Variants in BTBD16 observed in about 807,000 individuals in gnomAD.
BTBD16 encodes the protein BTB domain containing 16.
In BTBD16, 66 loss-of-function variants were observed where a neutral mutation model predicts 67.4. The ratio of observed to expected loss-of-function variants is 0.98; its 90% CI spans 0.80 to 1.20. BTBD16 has a LOEUF of 1.20. Among genes scored for constraint, BTBD16 ranks in the 50% most tolerant of loss-of-function variants. The pLI, the probability that BTBD16 is intolerant of heterozygous loss-of-function variation, is 0.00. For missense variants in BTBD16, 634 were observed against 616.0 expected (o/e 1.03, Z -0.31); for synonymous variants, 242 against 236.4 (o/e 1.02, Z -0.22).
At chr10:122,294,525 C>T (rs1564974248) in intron 7 of BTBD16, among the ~76,000 whole-genome samples, 2 of 151,868 alleles carry the variant, frequency 1.3e-5, no homozygotes, top group Non-Finnish European at 2.9e-5. Flanking sequence ...CATGCGTGTA[C>T]CAGCACATAT....
intron 1 of BTBD16, among the ~76,000 whole-genome samples, chr10:122,272,032 A>G (rs191565285): frequency 2.3e-4 from 35 of 152,182 alleles, no homozygotes; most frequent in African/African-American, 8.2e-4. Flanking sequence ...TTGGGGGTCT[A>G]TGTCTAGGGC....
At chr10:122,290,985 T>C in intron 6 of BTBD16, 95 bp from the exon 7 acceptor site, 1 of 1,408,688 alleles carries the variant, frequency 7.1e-7, no homozygotes, top group Non-Finnish European at 9.3e-7. Flanking sequence ...TAAGGGCACC[T>C]CTGCCTGCCC....
chr10:122,298,856 T>C, intron 8 of BTBD16, 148 bp from the exon 9 acceptor site: 1 of 963,634 alleles, frequency 1.0e-6, no homozygotes, highest in Non-Finnish European at 1.5e-6. Context: ...AGAAAAGGTA[T>C]CTGCTGTAAT....
chr10:122,301,906 C>A (rs1338043570), intron 9 of BTBD16, among the ~76,000 whole-genome samples: 1 of 152,210 alleles, frequency 6.6e-6, no homozygotes, highest in African/African-American at 2.4e-5. Flanking sequence ...GTGTGCTGCA[C>A]CCCTCGTCGT....
At chr10:122,300,256 A>G (rs1437039457) in intron 9 of BTBD16, among the ~76,000 whole-genome samples, 1 of 152,184 alleles carries the variant, frequency 6.6e-6, no homozygotes, top group Non-Finnish European at 1.5e-5. Context: ...ATAATTTCAA[A>G]TTTAACGTTG....
Position 122,299,474 on chromosome 10 carries a change from C to A in BTBD16, c.791+340C>A, listed in dbSNP as rs959380153. On this transcript the variant is annotated intron_variant, in intron 9 of 15. Coordinates refer to ENST00000260723, the MANE Select transcript of BTBD16 (RefSeq NM_144587.5). Reference sequence around the variant, plus strand: ...GCACATTCATTTTAGAAAATGAAATCTCTCACCCTAAATCAGCTTACATCT... The same window carrying A: ...GCACATTCATTTTAGAAAATGAAATATCTCACCCTAAATCAGCTTACATCT... Among the ~76,000 whole-genome samples the A allele has an allele frequency of 7.2e-5, 11 of 152,128 alleles. No individual in the cohort carries two copies. In the East Asian group the frequency reaches 2.1e-3, roughly 29 times the overall value.
chr10:122,313,400 G>T (rs2096417841), intron 10 of BTBD16, among the ~76,000 whole-genome samples: 2 of 151,404 alleles, frequency 1.3e-5, no homozygotes, highest in Non-Finnish European at 2.9e-5. Context: ...GAGTAGCTGG[G>T]ATTACAGGCA....
At chr10:122,290,572 T>C (rs1271761888) in intron 6 of BTBD16, among the ~76,000 whole-genome samples, 1 of 152,114 alleles carries the variant, frequency 6.6e-6, no homozygotes, top group African/African-American at 2.4e-5. Flanking sequence ...ACTCTGACGG[T>C]GAATCAGCTA....
chr10:122,317,465 G>A (rs2096427470), intron 10 of BTBD16, among the ~76,000 whole-genome samples: 1 of 151,996 alleles, frequency 6.6e-6, no homozygotes, highest in Non-Finnish European at 1.5e-5. Flanking sequence ...GGCTAACACG[G>A]TGAAACCCTG....
chr10:122,308,285 G>A (rs2096407261), intron 10 of BTBD16, among the ~76,000 whole-genome samples: 1 of 152,150 alleles, frequency 6.6e-6, no homozygotes, highest in South Asian at 2.1e-4. Context: ...TGTTTCCAAG[G>A]CCTTTGCTTG....
At chr10:122,294,086 T>G (rs2096378858) in intron 7 of BTBD16, 1 of 978,578 alleles carries the variant, frequency 1.0e-6, no homozygotes, top group African/African-American at 1.8e-5. Context: ...TGATGGGACC[T>G]GCCCAAGATT....
intron 13 of BTBD16, among the ~76,000 whole-genome samples, chr10:122,334,226 T>G (rs1398880828): frequency 6.6e-6 from 1 of 150,558 alleles, no homozygotes. Context: ...GATGGAGTCT[T>G]GCTCTGTCAC....
At chr10:122,328,797 C>T (rs2096449901) in intron 10 of BTBD16, 4 of 985,362 alleles carry the variant, frequency 4.1e-6, no homozygotes, top group Non-Finnish European at 4.8e-6. Context: ...TCTGTGTGTG[C>T]GTGTCTTCTC....
intron 3 of BTBD16, 57 bp from the exon 4 acceptor site, chr10:122,283,794 G>T (rs2096357744): frequency 5.3e-6 from 7 of 1,326,654 alleles, no homozygotes; most frequent in Non-Finnish European, 4.3e-6. Context: ...GCATGTTGTA[G>T]TTGGAGAAAA....
In BTBD16 at chr10:122,297,845, C is replaced by T. The variant is rs752679518; in HGVS notation, c.660+8C>T. ...TACGAGGCCGGCTGCAAGGTGAGAA[C>T]AACCCAGACGGGGCACATCGCCCCT... On this transcript the variant is annotated splice_region_variant and intron_variant, in intron 8 of 15. Transcript: ENST00000260723. 25 of 1,613,870 alleles carry T rather than the reference C, an allele frequency of 1.5e-5. 1 individual carries two copies. The South Asian group carries it at 2.7e-4, about 18-fold the overall frequency.
chr10:122,292,467 C>A (rs1322587085), intron 7 of BTBD16, among the ~76,000 whole-genome samples: 2 of 152,246 alleles, frequency 1.3e-5, no homozygotes, highest in East Asian at 3.9e-4. Context: ...AGCCAGGACT[C>A]GTAGGTCAGG....
intron 3 of BTBD16, among the ~76,000 whole-genome samples, chr10:122,283,526 T>G (rs74159104): frequency 0.037 from 5,561 of 152,228 alleles, 333 homozygotes; most frequent in African/African-American, 0.13. Flanking sequence ...CAGCAGATAT[T>G]TACTGAGTGT....
chr10:122,305,321 T>G (rs2096401760), intron 9 of BTBD16, among the ~76,000 whole-genome samples: 1 of 152,192 alleles, frequency 6.6e-6, no homozygotes, highest in South Asian at 2.1e-4. Flanking sequence ...CACATTGAAT[T>G]GTAATCCCCA....
rs116278515 is a variant in BTBD16, at chr10:122,312,888, G to A, written c.911+5580G>A. Among the ~76,000 whole-genome samples the A allele has an allele frequency of 1.0e-2, 1,513 of 151,894 alleles. 20 individuals carry two copies. Among genetic ancestry groups the A allele is most frequent in the South Asian group, 0.048 (231 of 4,792 alleles). On this transcript the variant is annotated intron_variant, in intron 10 of 15. Transcript: ENST00000260723. ...CTCACTTTCAGAATGGTCTTTTGTTGTTGTTGTTGAGAGAGTCTCACTCTG... is the reference window on the plus strand; with the variant it reads ...CTCACTTTCAGAATGGTCTTTTGTTATTGTTGTTGAGAGAGTCTCACTCTG...
Sources: allele counts gnomAD v4.1 joint callset (sites outside exome capture counted in the v4.1 genomes callset), GRCh38; gene constraint gnomAD v4.1.1; transcripts MANE v1.5; gene names NCBI Gene and HGNC (gene_info 2026-07-23, HGNC 2026-07-21).